AKAP19: variants seen among roughly 807,000 people sequenced by gnomAD.
The protein encoded by AKAP19 is small A-kinase anchoring protein.
the AKAP19 span, among the ~76,000 whole-genome samples, chr2:190,191,653 C>G: frequency 6.6e-6 from 1 of 152,102 alleles, no homozygotes; most frequent in Admixed American, 6.5e-5. Context: ...TTATTTTTAC[C>G]CATTCTAACA....
the AKAP19 span, among the ~76,000 whole-genome samples, chr2:189,915,374 T>G: frequency 1.3e-5 from 2 of 152,174 alleles, no homozygotes. Context: ...ATCAAAACTT[T>G]TATTAAATGA....
the AKAP19 span, among the ~76,000 whole-genome samples, chr2:189,951,730 A>G: frequency 7.9e-5 from 12 of 152,364 alleles, 1 homozygote; most frequent in East Asian, 1.7e-3. Context: ...TTCGTTTTAG[A>G]ATAGCATTTG....
the AKAP19 span, among the ~76,000 whole-genome samples, chr2:190,143,464 T>C: frequency 6.6e-6 from 1 of 152,158 alleles, no homozygotes; most frequent in Non-Finnish European, 1.5e-5. Flanking sequence ...ATGAAAGTAG[T>C]TAATCACATT....
the AKAP19 span, among the ~76,000 whole-genome samples, chr2:190,103,317 C>T: frequency 1.3e-5 from 2 of 152,138 alleles, no homozygotes; most frequent in African/African-American, 4.8e-5. Flanking sequence ...TCCTACTCAA[C>T]ATAGTATTGG....
the AKAP19 span, among the ~76,000 whole-genome samples, chr2:189,992,559 A>G: frequency 1.3e-5 from 2 of 152,100 alleles, no homozygotes; most frequent in African/African-American, 4.8e-5. Context: ...TCTGTGAAAA[A>G]TGATGATAGT....
chr2:190,162,001 C>A, the AKAP19 span, among the ~76,000 whole-genome samples: 1 of 152,156 alleles, frequency 6.6e-6, no homozygotes, highest in African/African-American at 2.4e-5. Flanking sequence ...CTCTATTAAT[C>A]AAGTTTCCTC....
chr2:189,927,159 A>C, the AKAP19 span, among the ~76,000 whole-genome samples: 1 of 151,946 alleles, frequency 6.6e-6, no homozygotes, highest in Non-Finnish European at 1.5e-5. Flanking sequence ...CTCCCAAAGT[A>C]CTGGGATTAC....
chr2:189,904,651 A>G, the AKAP19 span, among the ~76,000 whole-genome samples: 1 of 151,954 alleles, frequency 6.6e-6, no homozygotes, highest in Non-Finnish European at 1.5e-5. Context: ...CCAAATTTTT[A>G]TGCAGTTATT....
At chr2:190,176,175 A>G in the AKAP19 span, among the ~76,000 whole-genome samples, 30 of 152,242 alleles carry the variant, frequency 2.0e-4, no homozygotes, top group African/African-American at 7.0e-4. The surrounding 1 kb of genome is among the most constrained non-coding windows in gnomAD (Gnocchi z 4.7). Flanking sequence ...TTGTTTGGCT[A>G]TATAGGTAAT....
the AKAP19 span, among the ~76,000 whole-genome samples, chr2:190,049,133 T>C: frequency 6.6e-6 from 1 of 151,914 alleles, no homozygotes; most frequent in African/African-American, 2.4e-5. Context: ...GAAATAGAAA[T>C]CTTGGAATAA....
chr2:190,084,401 G>C, the AKAP19 span, among the ~76,000 whole-genome samples: 1 of 152,148 alleles, frequency 6.6e-6, no homozygotes, highest in Non-Finnish European at 1.5e-5. Context: ...CTAGAGCTCA[G>C]TTAATTTTAA....
chr2:190,174,997 AGATTACATG>A, the AKAP19 span, among the ~76,000 whole-genome samples: 44 of 131,656 alleles, frequency 3.3e-4, no homozygotes, highest in African/African-American at 9.1e-4. Context: ...TAAGATACAT[AGATTACATG>A]GAGTACATAG....
chr2:189,879,879 G>C, the AKAP19 span: 1 of 152,234 alleles, frequency 6.6e-6, no homozygotes, highest in African/African-American at 2.4e-5. Flanking sequence ...TAGGATCCCA[G>C]CCTTCGCTAT....
chr2:189,982,877 G>T, the AKAP19 span, among the ~76,000 whole-genome samples: 1 of 152,056 alleles, frequency 6.6e-6, no homozygotes, highest in Non-Finnish European at 1.5e-5. Context: ...ACGTACTGTT[G>T]CCTAAAAGGC....
the AKAP19 span, among the ~76,000 whole-genome samples, chr2:189,943,334 A>G: frequency 2.0e-5 from 3 of 152,222 alleles, no homozygotes; most frequent in Non-Finnish European, 4.4e-5. Context: ...CAGAGTATGC[A>G]AGCCATAACC....
At chr2:189,975,326 T>C in the AKAP19 span, among the ~76,000 whole-genome samples, 1 of 152,212 alleles carries the variant, frequency 6.6e-6, no homozygotes. Flanking sequence ...TCTTCTGGCT[T>C]GTAGAGTTTC....
At chr2:190,094,409 T>C in the AKAP19 span, among the ~76,000 whole-genome samples, 1 of 152,184 alleles carries the variant, frequency 6.6e-6, no homozygotes, top group African/African-American at 2.4e-5. Context: ...TTCTGAAAAG[T>C]TAAATCATTG....
chr2:190,197,274 G>A, the AKAP19 span, among the ~76,000 whole-genome samples: 1 of 152,142 alleles, frequency 6.6e-6, no homozygotes, highest in East Asian at 1.9e-4. The surrounding 1 kb of genome is among the most constrained non-coding windows in gnomAD (Gnocchi z 4.0). Context: ...TGATTCCTAA[G>A]GTGTCGCATT....
chr2:189,972,610 A>G, the AKAP19 span, among the ~76,000 whole-genome samples: 1 of 152,182 alleles, frequency 6.6e-6, no homozygotes, highest in Non-Finnish European at 1.5e-5. Context: ...CTTCCTATCC[A>G]TGAGCATGGA....
Sources: gnomAD v4.1 joint callset for allele counts (sites outside exome capture counted in the v4.1 genomes callset) on GRCh38, gnomAD v4.1.1 for gene constraint, Gnocchi (gnomAD v3.1) non-coding constraint, MANE v1.5 for transcripts, NCBI Gene and HGNC (gene_info 2026-07-23, HGNC 2026-07-21) for gene names.